AFG1L: variants seen among roughly 807,000 people sequenced by gnomAD.
The protein encoded by AFG1L is AFG1-like ATPase.
In AFG1L, 53 loss-of-function variants were observed where a neutral mutation model predicts 62.2. The observed-to-expected ratio is 0.85, with a 90% CI of 0.68 to 1.07. The LOEUF is 1.07. Among genes scored for constraint, AFG1L ranks in the 50% least tolerant of loss-of-function variants. The probability of loss-of-function intolerance (pLI) is 0.00; values close to 1 mark genes in which losing one functional copy is unlikely to be tolerated. For synonymous variants in AFG1L, 228 were observed against 210.3 expected (o/e 1.08, Z -0.73); for missense variants, 555 against 590.5 (o/e 0.94, Z 0.62).
chr6:108,462,045 A>C (rs1772481111), intron 8 of AFG1L, among the ~76,000 whole-genome samples: 2 of 152,022 alleles, frequency 1.3e-5, no homozygotes, highest in South Asian at 4.2e-4. Flanking sequence ...CAGTGAGCCG[A>C]GATTGTACCA....
At chr6:108,446,089 CACACACACACACA>C (rs1562166624) in intron 7 of AFG1L, among the ~76,000 whole-genome samples, 3 of 113,152 alleles carry the variant, frequency 2.7e-5, no homozygotes, top group Admixed American at 8.5e-5. Context: ...CACACACACA[CACACACACACACA>C]CCCCTACATA....
intron 5 of AFG1L, among the ~76,000 whole-genome samples, chr6:108,360,443 T>C (rs1045768352): frequency 5.3e-5 from 8 of 152,214 alleles, no homozygotes; most frequent in Non-Finnish European, 1.5e-5. Flanking sequence ...GCATTTTTTT[T>C]CTGTTCCCAA....
Position 108,505,328 on chromosome 6 carries a change from G to A in AFG1L, c.1063-4884G>A, listed in dbSNP as rs188406993. On this transcript the variant is annotated intron_variant, in intron 10 of 12. Coordinates refer to ENST00000368977, the MANE Select transcript of AFG1L (RefSeq NM_145315.5). ...AGGCTGGTCTTGAACTCCTGACCTC[G>A]TGTTCCACTCGCCTCGGCCTCCCAA... Among the ~76,000 whole-genome samples, 582 of 152,088 alleles carry A rather than the reference G, an allele frequency of 3.8e-3. 7 individuals are homozygous for A. Among genetic ancestry groups the A allele is most frequent in the African/African-American group, 0.014 (562 of 41,512 alleles).
intron 8 of AFG1L, among the ~76,000 whole-genome samples, chr6:108,463,028 G>T (rs528486638): frequency 6.8e-4 from 103 of 152,206 alleles, no homozygotes; most frequent in African/African-American, 2.3e-3. Context: ...AGTGACTCAC[G>T]CCTGTAATCC....
At chr6:108,393,912 G>A (rs1311342382) in intron 6 of AFG1L, among the ~76,000 whole-genome samples, 2 of 152,028 alleles carry the variant, frequency 1.3e-5, no homozygotes, top group Non-Finnish European at 2.9e-5. Context: ...ACTGACATAT[G>A]TATACCTTCA....
At chr6:108,364,864 CCA>C (rs370903534) in intron 5 of AFG1L, among the ~76,000 whole-genome samples, 43,373 of 83,424 alleles carry the variant, frequency 0.52, 9,265 homozygotes, top group East Asian at 0.69. Context: ...CCTGAGACAG[CCA>C]AAAAAAAAAA....
At chr6:108,322,063 A>C (rs1207714710) in intron 1 of AFG1L, among the ~76,000 whole-genome samples, 1 of 151,992 alleles carries the variant, frequency 6.6e-6, no homozygotes, top group Non-Finnish European at 1.5e-5. Flanking sequence ...ATTAAAAACA[A>C]ATTTTTTTTA....
intron 8 of AFG1L, among the ~76,000 whole-genome samples, chr6:108,451,242 A>G (rs1351681526): frequency 6.6e-6 from 1 of 152,238 alleles, no homozygotes. Flanking sequence ...TACGATCTTT[A>G]ATGAAACAGA....
At position 108,523,942 on chromosome 6, in the gene AFG1L, A is replaced by T. The variant is rs1775224423; in HGVS notation, c.*1517A>T. 6.6e-6 allele frequency: 1 copy of T among 151,822 alleles called. No individual in the cohort carries two copies. The highest frequency in any genetic ancestry group is 2.4e-5 in the African/African-American group (1 of 41,422). The allele number at this position is 151,822 out of a possible 1,614,324, so 9.4% of individuals were successfully genotyped here. On this transcript the variant is annotated 3_prime_UTR_variant, in exon 13 of 13. Transcript: ENST00000368977. The stretch of plus-strand genomic sequence containing the variant: ...ACCACTTTGTGCTGGATTGAATGCT[A>T]TATATTTACATTAGCTCAGTTAAAA...
chr6:108,417,294 AAAAC>A (rs1770358241), intron 7 of AFG1L, among the ~76,000 whole-genome samples: 6 of 151,326 alleles, frequency 4.0e-5, no homozygotes, highest in African/African-American at 1.5e-4. Flanking sequence ...ACACAAAAAA[AAAAC>A]GGGGAAAAAA....
At chr6:108,374,339 A>G (rs1780146220) in intron 6 of AFG1L, among the ~76,000 whole-genome samples, 2 of 152,136 alleles carry the variant, frequency 1.3e-5, no homozygotes, top group Admixed American at 1.3e-4. Flanking sequence ...TCTTTAGTTT[A>G]ATTAGGCCTT....
At chr6:108,336,458 T>C (rs1778480427) in intron 2 of AFG1L, among the ~76,000 whole-genome samples, 1 of 152,212 alleles carries the variant, frequency 6.6e-6, no homozygotes, top group Non-Finnish European at 1.5e-5. Flanking sequence ...ATGTATAACT[T>C]TGATGAGAAT....
intron 2 of AFG1L, among the ~76,000 whole-genome samples, chr6:108,339,100 G>GT (rs1778580084): frequency 6.6e-6 from 1 of 150,652 alleles, no homozygotes; most frequent in Non-Finnish European, 1.5e-5. Context: ...ATTTGCATTT[G>GT]TTTTTCTTAC....
Position 108,354,985 on chromosome 6 carries a change from T to C in AFG1L, c.416-669T>C, listed in dbSNP as rs546291104. ...TAGGCTTTATTTTGAGAGATCTATT[T>C]TCTCAGCTTTTTAAAAATAGAAGTG... On this transcript the variant is annotated intron_variant, in intron 3 of 12. Transcript: ENST00000368977. Among the ~76,000 whole-genome samples the C allele has an allele frequency of 3.9e-5, 6 of 152,304 alleles. 1 individual carries two copies. The South Asian group carries it at 1.2e-3, about 32-fold the overall frequency.
intron 6 of AFG1L, among the ~76,000 whole-genome samples, chr6:108,376,526 A>G (rs1209258437): frequency 2.6e-5 from 4 of 152,082 alleles, no homozygotes. Flanking sequence ...TGTTTACCCC[A>G]AAGTCATTCA....
In AFG1L at chr6:108,493,595, G is replaced by A. The variant is rs551490007; in HGVS notation, c.1062+16303G>A. Among the ~76,000 whole-genome samples the A allele has an allele frequency of 1.9e-3, 295 of 152,284 alleles. 1 individual carries two copies. The highest frequency in any genetic ancestry group is 3.0e-3 in the Non-Finnish European group (207 of 68,028). On this transcript the variant is annotated intron_variant, in intron 10 of 12. Transcript: ENST00000368977. ...CCAGTTTATCCCATTTCCAAAAGGA[G>A]CAACTTGACTTCTCCTAGATTTTAG...
At chr6:108,415,303 C>A (rs1157057231) in intron 7 of AFG1L, among the ~76,000 whole-genome samples, 1 of 152,150 alleles carries the variant, frequency 6.6e-6, no homozygotes, top group Non-Finnish European at 1.5e-5. Flanking sequence ...ACATTCCATG[C>A]TCATGGATAG....
At chr6:108,422,823 G>T (rs1224809048) in intron 7 of AFG1L, among the ~76,000 whole-genome samples, 1 of 151,912 alleles carries the variant, frequency 6.6e-6, no homozygotes, top group Non-Finnish European at 1.5e-5. Context: ...TATAAGCATT[G>T]CCCTGCTTTA....
At chr6:108,472,859 A>AGTGGCAT (rs1772956412) in intron 8 of AFG1L, among the ~76,000 whole-genome samples, 1 of 148,944 alleles carries the variant, frequency 6.7e-6, no homozygotes, top group Non-Finnish European at 1.5e-5. Flanking sequence ...GCTGGAGTCC[A>AGTGGCAT]GTGGCATGAT....
Sources: gnomAD v4.1 joint callset for allele counts (sites outside exome capture counted in the v4.1 genomes callset) on GRCh38, gnomAD v4.1.1 for gene constraint, MANE v1.5 for transcripts, NCBI Gene and HGNC (gene_info 2026-07-23, HGNC 2026-07-21) for gene names.